The following RBM19 variants were observed in gnomAD, a reference collection of about 807,000 sequenced individuals.
The protein encoded by RBM19 is RNA binding motif protein 19.
RBM19 carries 94 observed loss-of-function variants against 116.8 expected under a neutral mutation model. That is an observed-to-expected ratio of 0.80 (90% CI 0.68 to 0.95). The LOEUF (loss-of-function observed/expected upper bound fraction) is 0.95. Ranked by LOEUF, RBM19 falls within the 40% of genes least tolerant of loss-of-function variation. RBM19 has a pLI of 0.00. For synonymous variants in RBM19, 475 were observed against 494.1 expected (o/e 0.96, Z 0.51); for missense variants, 1,161 against 1,220.7 (o/e 0.95, Z 0.73).
chr12:113,936,967 C>T (rs1452112661), intron 16 of RBM19, 40 bp downstream of exon 16: 5 of 1,603,390 alleles, frequency 3.1e-6, no homozygotes, highest in Non-Finnish European at 4.3e-6. Context: ...TTTCCCTCAC[C>T]AGGATCCCAA....
At chr12:113,916,269 T>C (rs1882764965) in intron 20 of RBM19, among the ~76,000 whole-genome samples, 1 of 152,070 alleles carries the variant, frequency 6.6e-6, no homozygotes, top group South Asian at 2.1e-4. Context: ...TAGCCAGGTG[T>C]GGTGGCAGGC....
chr12:113,821,670 G>A (rs984186328), downstream of RBM19, among the ~76,000 whole-genome samples: 5 of 152,168 alleles, frequency 3.3e-5, no homozygotes, highest in African/African-American at 9.7e-5. Flanking sequence ...TAATTCCAGA[G>A]CTTTGGGAGG....
At chr12:113,888,932 C>T (rs1565998367) in intron 21 of RBM19, among the ~76,000 whole-genome samples, 2 of 152,192 alleles carry the variant, frequency 1.3e-5, no homozygotes, top group Non-Finnish European at 2.9e-5. Flanking sequence ...GTACTGCCCC[C>T]CTGAAAGCCT....
chr12:113,934,187 G>C (rs1158374102), intron 16 of RBM19, among the ~76,000 whole-genome samples: 1 of 152,104 alleles, frequency 6.6e-6, no homozygotes. Flanking sequence ...TTCTGGACTC[G>C]AGTGATCCTC....
chr12:113,837,574 A>C (rs978835481), intron 23 of RBM19, among the ~76,000 whole-genome samples: 3 of 152,200 alleles, frequency 2.0e-5, no homozygotes, highest in Admixed American at 6.5e-5. Context: ...CCATCGTACC[A>C]ATGACGGAGC....
chr12:113,858,018 G>A (rs963914225), intron 22 of RBM19, among the ~76,000 whole-genome samples: 4 of 152,236 alleles, frequency 2.6e-5, no homozygotes, highest in Non-Finnish European at 4.4e-5. Context: ...CAGAGCTCAC[G>A]GAAGGCAGCC....
At chr12:113,851,751 T>TTTA (rs1877464942) in intron 22 of RBM19, among the ~76,000 whole-genome samples, 2 of 149,826 alleles carry the variant, frequency 1.3e-5, no homozygotes, top group South Asian at 2.1e-4. Flanking sequence ...TTTTTTTTTT[T>TTTA]AATTTAAATT....
intron 8 of RBM19, among the ~76,000 whole-genome samples, chr12:113,950,355 C>G (rs2290797): frequency 0.38 from 57,234 of 152,016 alleles, 10,734 homozygotes; most frequent in Middle Eastern, 0.48. Context: ...AGTGTACAGA[C>G]CCCAGCCCGG....
intron 8 of RBM19, among the ~76,000 whole-genome samples, chr12:113,951,537 A>T (rs1041205079): frequency 6.7e-6 from 1 of 150,084 alleles, no homozygotes; most frequent in African/African-American, 2.4e-5. Context: ...ACACACACAC[A>T]AACACACACA....
chr12:113,900,859 C>G (rs1424186368), intron 21 of RBM19, among the ~76,000 whole-genome samples: 2 of 152,208 alleles, frequency 1.3e-5, no homozygotes, highest in Non-Finnish European at 2.9e-5. Context: ...GCCAGCTTCT[C>G]CAGTGAAGAA....
chr12:113,956,032 A>G (rs140617447), intron 6 of RBM19, among the ~76,000 whole-genome samples: 1 of 152,256 alleles, frequency 6.6e-6, no homozygotes, highest in African/African-American at 2.4e-5. Flanking sequence ...GCCTTTTTGT[A>G]AACGAAAATT....
At chr12:113,915,521 G>A (rs556918808) in intron 20 of RBM19, among the ~76,000 whole-genome samples, 62 of 152,288 alleles carry the variant, frequency 4.1e-4, no homozygotes, top group East Asian at 7.7e-4. Context: ...ACCAGGTGGC[G>A]AGCAAGGACA....
At chr12:113,908,468 T>C (rs568186888) in intron 21 of RBM19, among the ~76,000 whole-genome samples, 1 of 149,606 alleles carries the variant, frequency 6.7e-6, no homozygotes, top group Non-Finnish European at 1.5e-5. Context: ...AGGTGTGGGG[T>C]GGACAGGAGA....
chr12:113,863,287 TG>T (rs926915055), intron 21 of RBM19, among the ~76,000 whole-genome samples: 1 of 151,660 alleles, frequency 6.6e-6, no homozygotes, highest in African/African-American at 2.4e-5. Context: ...GCAAATTGCG[TG>T]CCCCCTGACT....
intron 21 of RBM19, among the ~76,000 whole-genome samples, chr12:113,901,672 C>T (rs919406192): frequency 6.6e-6 from 1 of 152,012 alleles, no homozygotes; most frequent in Non-Finnish European, 1.5e-5. Flanking sequence ...CCACGCCTGG[C>T]TAATTTTTTT....
chr12:113,944,095 T>TTTTA (rs1289340656), intron 13 of RBM19, among the ~76,000 whole-genome samples: 3 of 40,810 alleles, frequency 7.4e-5, no homozygotes, highest in Non-Finnish European at 1.3e-4. Flanking sequence ...AGATGCATGT[T>TTTTA]TTTTTTTTTT....
Position 113,960,081 on chromosome 12 carries a change from G to C in RBM19, c.317C>G (p.Ser106Cys), listed in dbSNP as rs781062935. 4.3e-6 allele frequency: 7 copies of C among 1,614,112 alleles called. No homozygotes were observed. In the South Asian group the frequency reaches 5.5e-5, roughly 13 times the overall value. The stretch of plus-strand genomic sequence containing the variant: ...TACTTTCTTAATTTCTGGAGTAGTA[G>C]AGTCTTTTGGAGGCTGCTTGGGCTG... ...PSQPKQPPKD[S>C]TTPEIKKDEK... is the part of the protein sequence containing the mutation. The change falls in exon 3 of 24, where the codon TCT becomes TGT. Residue 106 changes from serine (S) to cysteine (C), a missense_variant. Ser to Cys is a moderately radical substitution (Grantham distance 112, BLOSUM62 -1). Coordinates refer to ENST00000261741, the MANE Select transcript of RBM19 (RefSeq NM_016196.4).
At chr12:113,951,523 GCA>G (rs1283624612) in intron 8 of RBM19, among the ~76,000 whole-genome samples, 1 of 130,578 alleles carries the variant, frequency 7.7e-6, no homozygotes, top group Non-Finnish European at 1.5e-5. Context: ...TTACCTGACT[GCA>G]CACACACACA....
chr12:113,954,995 C>CT, intron 7 of RBM19, 136 bp downstream of exon 7: 2 of 793,830 alleles, frequency 2.5e-6, no homozygotes, highest in Non-Finnish European at 2.1e-6. Flanking sequence ...ATTTCTCAGC[C>CT]TTTTTGGCCC....
Sources: gnomAD v4.1 joint callset for allele counts (sites outside exome capture counted in the v4.1 genomes callset) on GRCh38, gnomAD v4.1.1 for gene constraint, MANE v1.5 for transcripts, NCBI Gene and HGNC (gene_info 2026-07-23, HGNC 2026-07-21) for gene names.